The following NEK11 variants were observed in gnomAD, a reference collection of about 807,000 sequenced individuals.
The protein encoded by NEK11 is NIMA related kinase 11.
A neutral mutation model predicts 80.7 loss-of-function variants in NEK11; 72 were observed. The ratio of observed to expected loss-of-function variants is 0.89; its 90% confidence interval spans 0.74 to 1.08. The LOEUF is 1.08. Among genes scored for constraint, NEK11 ranks in the 50% least tolerant of loss-of-function variants. NEK11 has a pLI of 0.00. For synonymous variants in NEK11, 251 were observed against 260.7 expected (o/e 0.96, Z 0.36); for missense variants, 764 against 763.6 (o/e 1.00, Z -0.01).
At chr3:131,049,210 A>G (rs1419975535) in intron 3 of NEK11, among the ~76,000 whole-genome samples, 3 of 152,258 alleles carry the variant, frequency 2.0e-5, no homozygotes, top group Non-Finnish European at 4.4e-5. Context: ...AAATCCATGT[A>G]GAATAACAAA....
At chr3:131,316,103 A>G (rs1461511929) in intron 17 of NEK11, among the ~76,000 whole-genome samples, 1 of 152,218 alleles carries the variant, frequency 6.6e-6, no homozygotes, top group African/African-American at 2.4e-5. Flanking sequence ...TTCTGTGGTT[A>G]CTATAAACAT....
At chr3:131,190,679 C>A (rs2093760671) in intron 14 of NEK11, among the ~76,000 whole-genome samples, 1 of 152,058 alleles carries the variant, frequency 6.6e-6, no homozygotes, top group Non-Finnish European at 1.5e-5. Context: ...CTCAGGTATT[C>A]TTTATAATTA....
At chr3:131,105,599 A>T (rs2079061700) in intron 4 of NEK11, among the ~76,000 whole-genome samples, 1 of 152,228 alleles carries the variant, frequency 6.6e-6, no homozygotes. Flanking sequence ...ACTTCTTCAC[A>T]GGGCAGCAGG....
chr3:131,069,129 A>G (rs1210901547), intron 3 of NEK11, among the ~76,000 whole-genome samples: 1 of 152,142 alleles, frequency 6.6e-6, no homozygotes, highest in Non-Finnish European at 1.5e-5. Context: ...TTAAAACCCT[A>G]GATTTTTTTA....
intron 17 of NEK11, among the ~76,000 whole-genome samples, chr3:131,291,364 A>T (rs1407483008): frequency 6.6e-6 from 1 of 152,170 alleles, no homozygotes; most frequent in East Asian, 1.9e-4. Context: ...AAGTTTTGAC[A>T]ACTATAAATA....
chr3:131,099,338 T>C (rs189896849), intron 4 of NEK11, among the ~76,000 whole-genome samples: 8 of 152,336 alleles, frequency 5.3e-5, no homozygotes, highest in African/African-American at 1.9e-4. Flanking sequence ...GGGTCTGTTC[T>C]TGTACTAGTA....
At chr3:131,239,671 A>G (rs563570684) in intron 15 of NEK11, among the ~76,000 whole-genome samples, 1 of 152,154 alleles carries the variant, frequency 6.6e-6, no homozygotes, top group Non-Finnish European at 1.5e-5. Context: ...TCACACCTTC[A>G]AGGTGAAGGA....
intron 14 of NEK11, among the ~76,000 whole-genome samples, chr3:131,223,066 A>T (rs2095075158): frequency 6.6e-6 from 1 of 152,146 alleles, no homozygotes; most frequent in African/African-American, 2.4e-5. Context: ...CTGGAATGCC[A>T]CTCCAGTATA....
chr3:131,275,280 G>T (rs567733196), intron 17 of NEK11, among the ~76,000 whole-genome samples: 1 of 152,154 alleles, frequency 6.6e-6, no homozygotes, highest in South Asian at 2.1e-4. Context: ...AAGAAAAGTG[G>T]TTTGCTTATT....
chr3:131,222,725 C>T (rs1156550166), intron 14 of NEK11, among the ~76,000 whole-genome samples: 1 of 152,202 alleles, frequency 6.6e-6, no homozygotes, highest in Non-Finnish European at 1.5e-5. Flanking sequence ...AGCCTCCAAA[C>T]CAGCAGCATC....
At chr3:131,311,316 A>G (rs1489329824) in intron 17 of NEK11, among the ~76,000 whole-genome samples, 1 of 152,142 alleles carries the variant, frequency 6.6e-6, no homozygotes, top group African/African-American at 2.4e-5. Flanking sequence ...GTGGTTAACT[A>G]TAGTCACCCT....
chr3:131,163,038 G>A (rs1415832417), intron 11 of NEK11, among the ~76,000 whole-genome samples: 1 of 152,172 alleles, frequency 6.6e-6, no homozygotes, highest in East Asian at 1.9e-4. Flanking sequence ...TGTTGCTGGT[G>A]GGAGATATCA....
intron 14 of NEK11, among the ~76,000 whole-genome samples, chr3:131,206,736 TG>T (rs1323891772): frequency 6.6e-6 from 1 of 152,220 alleles, no homozygotes; most frequent in Non-Finnish European, 1.5e-5. Flanking sequence ...TTGTTACATA[TG>T]TATACATGTG....
Position 131,166,585 on chromosome 3 carries a change from T to A in NEK11, c.1176+1066T>A, listed in dbSNP as rs542891832. ...AGTCTTCCTCTGTTTGATGGACCAGTTAGCAGACAATGTGGGGATGATGGT... is the reference window on the plus strand; with the variant it reads ...AGTCTTCCTCTGTTTGATGGACCAGATAGCAGACAATGTGGGGATGATGGT... On this transcript the variant is annotated intron_variant, in intron 12 of 17. Transcript: ENST00000383366. 5.3e-5 allele frequency among the ~76,000 whole-genome samples: 8 copies of A among 152,334 alleles called. No individual in the cohort carries two copies. In the South Asian group the frequency reaches 1.7e-3, roughly 32 times the overall value.
chr3:131,304,168 T>C (rs1374331563), intron 17 of NEK11, among the ~76,000 whole-genome samples: 1 of 152,238 alleles, frequency 6.6e-6, no homozygotes, highest in Non-Finnish European at 1.5e-5. Flanking sequence ...ATTTGAGCTT[T>C]GAAATTTTTT....
At chr3:131,150,365 A>G (rs2089403811) in intron 7 of NEK11, among the ~76,000 whole-genome samples, 1 of 150,996 alleles carries the variant, frequency 6.6e-6, no homozygotes, top group African/African-American at 2.4e-5. Context: ...GATTTTTTCT[A>G]TCTTTATTGA....
intron 17 of NEK11, among the ~76,000 whole-genome samples, chr3:131,305,148 G>A (rs962352855): frequency 6.6e-6 from 1 of 151,830 alleles, no homozygotes; most frequent in Admixed American, 6.6e-5. Context: ...GCAGTGCTAT[G>A]GTGTGTGCAC....
chr3:131,261,371 G>A (rs892592820), intron 16 of NEK11, among the ~76,000 whole-genome samples: 2 of 152,188 alleles, frequency 1.3e-5, no homozygotes, highest in African/African-American at 4.8e-5. Flanking sequence ...AGAGACTTCA[G>A]GATGATTTTG....
intron 17 of NEK11, among the ~76,000 whole-genome samples, chr3:131,347,469 C>T (rs7644558): frequency 2.2e-4 from 34 of 152,134 alleles, no homozygotes; most frequent in Non-Finnish European, 3.8e-4. Flanking sequence ...ATCTCTTTAT[C>T]GGCCACAATA....
Sources: gnomAD v4.1 joint callset for allele counts (sites outside exome capture counted in the v4.1 genomes callset) on GRCh38, gnomAD v4.1.1 for gene constraint, MANE v1.5 for transcripts, NCBI Gene and HGNC (gene_info 2026-07-23, HGNC 2026-07-21) for gene names.